TUT4: variants seen among roughly 807,000 people sequenced by gnomAD.
TUT4 encodes the protein terminal uridylyltransferase 4.
TUT4 carries 36 observed loss-of-function variants against 192.2 expected under a neutral mutation model. That is an observed-to-expected ratio of 0.19 (90% CI 0.14 to 0.25). The LOEUF (loss-of-function observed/expected upper bound fraction) is 0.25. TUT4 is among the 10% of genes least tolerant of loss of function. The pLI is 1.00. For missense variants in TUT4, 1,493 were observed against 1,957.2 expected, an observed-to-expected ratio of 0.76 and a Z score of 4.47; for synonymous variants, 618 against 666.0, an observed-to-expected ratio of 0.93 and a Z score of 1.11.
At chr1:52,459,287 A>G (rs1258864363) in intron 19 of TUT4, among the ~76,000 whole-genome samples, 1 of 148,934 alleles carries the variant, frequency 6.7e-6, no homozygotes, top group East Asian at 2.0e-4. Flanking sequence ...CTCCGTCTCA[A>G]AAAAAAAAAA....
chr1:52,435,533 C>G, intron 26 of TUT4, 68 bp from the exon 27 acceptor site: 1 of 1,193,952 alleles, frequency 8.4e-7, no homozygotes. Flanking sequence ...AATAAATAAA[C>G]TCCCTTCTTA....
intron 1 of TUT4, among the ~76,000 whole-genome samples, chr1:52,535,509 T>C (rs944514987): frequency 3.3e-5 from 5 of 152,212 alleles, no homozygotes; most frequent in African/African-American, 1.2e-4. Context: ...TTTTGTTCTC[T>C]GGCATTTTGT....
At chr1:52,454,691 A>G (rs772007845) in intron 20 of TUT4, among the ~76,000 whole-genome samples, 34 of 152,196 alleles carry the variant, frequency 2.2e-4, no homozygotes, top group Non-Finnish European at 2.9e-4. Flanking sequence ...CAAAGGCAAG[A>G]GCTATGAAAG....
chr1:52,490,797 T>C lies in TUT4; in HGVS notation c.1323A>G (p.Leu441=). The change falls in exon 8 of 30, where the codon TTA becomes TTG. Residue 441 remains leucine, a synonymous_variant. Coordinates refer to ENST00000257177, the MANE Select transcript of TUT4 (RefSeq NM_001009881.3). ...GAAAATCAGATTCCACATCTACATATAATACTAATAAGGAAAAAAAAAAGT... is the reference window on the plus strand; with the variant it reads ...GAAAATCAGATTCCACATCTACATACAATACTAATAAGGAAAAAAAAAAGT... ...KVLGILKKNV[L]YVDVESDFHA... is the part of the protein sequence containing the mutation. 1.2e-6 allele frequency: 2 copies of C among 1,609,012 alleles called. No individual in the cohort carries two copies. The highest frequency in any genetic ancestry group is 1.7e-6 in the Non-Finnish European group (2 of 1,177,678).
intron 20 of TUT4, among the ~76,000 whole-genome samples, chr1:52,449,443 C>T (rs899016481): frequency 6.6e-6 from 1 of 152,154 alleles, no homozygotes; most frequent in Admixed American, 6.5e-5. Flanking sequence ...GGATTACAGG[C>T]ATATGCCACC....
At chr1:52,505,921 C>G (rs961975721) in intron 4 of TUT4, among the ~76,000 whole-genome samples, 3 of 151,986 alleles carry the variant, frequency 2.0e-5, no homozygotes, top group African/African-American at 7.3e-5. Flanking sequence ...ACTGCAACCT[C>G]AACTTTCTGG....
chr1:52,519,349 T>C (rs934874994), intron 2 of TUT4, among the ~76,000 whole-genome samples: 3 of 152,234 alleles, frequency 2.0e-5, no homozygotes, highest in Non-Finnish European at 4.4e-5. Context: ...TTCATGGTTG[T>C]CAGTGGGGAG....
chr1:52,516,676 G>T (rs757888426), intron 2 of TUT4, among the ~76,000 whole-genome samples: 4 of 152,066 alleles, frequency 2.6e-5, no homozygotes, highest in African/African-American at 9.7e-5. Context: ...CCACCAGCGC[G>T]ATTTTTAAAA....
chr1:52,426,221 AACT>A (rs1433693982), intron 28 of TUT4, among the ~76,000 whole-genome samples: 2 of 151,728 alleles, frequency 1.3e-5, no homozygotes, highest in Non-Finnish European at 2.9e-5. Flanking sequence ...CATTTCCTAA[AACT>A]ACTAAGGTTC....
intron 24 of TUT4, among the ~76,000 whole-genome samples, chr1:52,442,126 C>A (rs1655793126): frequency 1.4e-5 from 2 of 146,488 alleles, no homozygotes; most frequent in Non-Finnish European, 3.0e-5. Context: ...TTTGATGGCA[C>A]CAGTGCACTC....
At chr1:52,515,821 A>T in intron 3 of TUT4, 70 bp downstream of exon 3, 1 of 1,574,916 alleles carries the variant, frequency 6.3e-7, no homozygotes, top group Non-Finnish European at 8.7e-7. Flanking sequence ...AAAATAAAAA[A>T]AGCTGTACTT....
intron 1 of TUT4, among the ~76,000 whole-genome samples, chr1:52,526,822 C>T (rs1411042092): frequency 6.6e-6 from 1 of 151,806 alleles, no homozygotes; most frequent in Non-Finnish European, 1.5e-5. Context: ...GTCAGGAGTT[C>T]GAGACCAGCC....
chr1:52,550,643 C>G (rs1425778574), intron 1 of TUT4, among the ~76,000 whole-genome samples: 1 of 151,978 alleles, frequency 6.6e-6, no homozygotes, highest in East Asian at 1.9e-4. Context: ...CAGACGCACA[C>G]CACCACGCCC....
At chr1:52,502,111 T>C (rs986587048) in intron 4 of TUT4, among the ~76,000 whole-genome samples, 14 of 150,996 alleles carry the variant, frequency 9.3e-5, no homozygotes, top group African/African-American at 3.4e-4. Context: ...GTAAATTTTA[T>C]CTTATATATA....
At chr1:52,500,478 T>C (rs923600066) in intron 4 of TUT4, among the ~76,000 whole-genome samples, 3 of 151,274 alleles carry the variant, frequency 2.0e-5, no homozygotes, top group Non-Finnish European at 4.4e-5. Flanking sequence ...AAATAAAAAA[T>C]TAGGCCAGGC....
At chr1:52,467,245 A>C (rs17107235) in intron 15 of TUT4, among the ~76,000 whole-genome samples, 13,387 of 152,278 alleles carry the variant, frequency 0.088, 741 homozygotes, top group East Asian at 0.2. Flanking sequence ...ATCTTGTAAA[A>C]GTACAAATTC....
intron 2 of TUT4, 67 bp downstream of exon 2, chr1:52,525,496 A>C: frequency 6.6e-7 from 1 of 1,517,648 alleles, no homozygotes; most frequent in Non-Finnish European, 8.8e-7. Context: ...TTTGTAATTA[A>C]AATGGTTAAA....
In TUT4 at chr1:52,461,553, C is replaced by A; in HGVS notation, c.3191G>T (p.Arg1064Leu). 1 of 1,613,156 alleles carries A rather than the reference C, an allele frequency of 6.2e-7. No homozygotes were observed. Among genetic ancestry groups the A allele is most frequent in the Non-Finnish European group, 8.5e-7 (1 of 1,179,576 alleles). The change falls in exon 18 of 30, where the codon CGA becomes CTA. Residue 1064 changes from arginine to leucine, a missense_variant. Physicochemically the swap from Arg to Leu is moderately radical, Grantham distance 102. This residue lies in a region of TUT4 where 141 missense variants were observed against 382.7 expected (regional missense o/e 0.37). Transcript: ENST00000257177. ...KVPIVKFEHRRSGLEGDISLY... is the reference protein window; with the variant it reads ...KVPIVKFEHRLSGLEGDISLY... Reference sequence around the variant, plus strand: ...ACTGATATCGCCTTCTAACCCACTTCGCCTGTGTTCAAATTTTACTATAGG... The same window carrying A: ...ACTGATATCGCCTTCTAACCCACTTAGCCTGTGTTCAAATTTTACTATAGG...
intron 15 of TUT4, among the ~76,000 whole-genome samples, chr1:52,466,606 A>G (rs774675707): frequency 4.0e-5 from 6 of 149,204 alleles, no homozygotes; most frequent in African/African-American, 4.9e-5. Context: ...TGATTGCACC[A>G]CTGCAGTTGA....
Sources: allele counts gnomAD v4.1 joint callset (sites outside exome capture counted in the v4.1 genomes callset), GRCh38; gene constraint gnomAD v4.1.1; regional missense constraint gnomAD v4.1.1; transcripts MANE v1.5; gene names NCBI Gene and HGNC (gene_info 2026-07-23, HGNC 2026-07-21).